The following GPC4 variants were observed in gnomAD, a reference collection of about 807,000 sequenced individuals.
GPC4 encodes glypican 4.
Under a neutral mutation model 35.0 loss-of-function variants are expected in GPC4, and 10 were observed. The observed-to-expected ratio is 0.29, with a 90% CI of 0.18 to 0.48. The LOEUF (loss-of-function observed/expected upper bound fraction) is 0.48. GPC4 is among the 20% of genes least tolerant of loss of function. The probability of loss-of-function intolerance (pLI) is 0.99; values close to 1 mark genes in which losing one functional copy is unlikely to be tolerated. For synonymous variants in GPC4, 167 were observed against 170.2 expected (o/e 0.98, Z 0.15); for missense variants, 322 against 451.3 (o/e 0.71, Z 2.60).
rs753375530 is a variant in GPC4 at position 133,404,866 on chromosome X, A to AAAAAAAAAAAAG, written c.160+9939_160+9940insCTTTTTTTTTTT. On this transcript the variant is annotated intron_variant, in intron 1 of 8. Transcript: ENST00000370828. ...GACCCTGTCTCAAAAAAAAAAAAAAAAAGGTGCAGAGGAACAAAATCATAA... is the reference window on the plus strand; with the variant it reads ...GACCCTGTCTCAAAAAAAAAAAAAAAAAAAAAAAAAAGAAGGTGCAGAGGAACAAAATCATAA... Among the ~76,000 whole-genome samples the AAAAAAAAAAAAG allele has an allele frequency of 5.5e-3, 492 of 89,210 alleles. 34 individuals are homozygous for AAAAAAAAAAAAG. The highest frequency in any genetic ancestry group is 0.022 in the African/African-American group (417 of 19,198). 77.5% of individuals were successfully genotyped at this position (89,210 alleles called of 115,157 possible). A position where few individuals can be genotyped will look rare whatever the true frequency, so the allele number is the denominator to read the frequency against.
chrX:133,328,717 A>G (rs2068404970), intron 2 of GPC4, among the ~76,000 whole-genome samples: 2 of 111,302 alleles, frequency 1.8e-5, no homozygotes, highest in South Asian at 7.7e-4. Flanking sequence ...CATTGCTCAT[A>G]ATCATTATGC....
intron 3 of GPC4, among the ~76,000 whole-genome samples, chrX:133,315,481 T>C (rs1406472789): frequency 9.0e-6 from 1 of 110,894 alleles, no homozygotes; most frequent in Non-Finnish European, 1.9e-5. Flanking sequence ...AACAGTGGAC[T>C]AAGTCAGACT....
chrX:133,399,186 T>C (rs919513389), intron 1 of GPC4, among the ~76,000 whole-genome samples: 2 of 112,074 alleles, frequency 1.8e-5, no homozygotes, highest in South Asian at 7.7e-4. Flanking sequence ...AGTATTTCTG[T>C]GGTCTCTATG....
At chrX:133,336,929 T>C (rs1228573733) in intron 2 of GPC4, among the ~76,000 whole-genome samples, 1 of 110,926 alleles carries the variant, frequency 9.0e-6, no homozygotes, top group Non-Finnish European at 1.9e-5. Context: ...AGTGATCCTC[T>C]CACCTCAACC....
chrX:133,409,104 G>A (rs1007727618), intron 1 of GPC4, among the ~76,000 whole-genome samples: 5 of 106,993 alleles, frequency 4.7e-5, no homozygotes, highest in African/African-American at 1.0e-4. Flanking sequence ...GCAGTGAGCC[G>A]AGATCACGCG....
At chrX:133,324,106 C>G (rs201641180) in intron 3 of GPC4, 39 bp downstream of exon 3, 6 of 1,141,617 alleles carry the variant, frequency 5.3e-6, no homozygotes, top group Non-Finnish European at 5.8e-6. Flanking sequence ...TGAAAGAAAA[C>G]AAAACAAAAA....
At chrX:133,381,663 T>C (rs1458808572) in intron 1 of GPC4, among the ~76,000 whole-genome samples, 1 of 112,717 alleles carries the variant, frequency 8.9e-6, no homozygotes, top group African/African-American at 3.2e-5. Context: ...GTGTATTTCT[T>C]AACCATTTAG....
At chrX:133,357,409 A>G (rs2068546522) in intron 1 of GPC4, among the ~76,000 whole-genome samples, 1 of 104,982 alleles carries the variant, frequency 9.5e-6, no homozygotes, top group Non-Finnish European at 2.0e-5. Flanking sequence ...TTTTTTTTTT[A>G]GAGATGGCGT....
intron 2 of GPC4, among the ~76,000 whole-genome samples, chrX:133,332,200 A>T (rs1325177495): frequency 8.9e-6 from 1 of 111,954 alleles, no homozygotes; most frequent in African/African-American, 3.2e-5. Context: ...TAGCAACTTG[A>T]AAAATATGGA....
chrX:133,401,346 G>C (rs918561391), intron 1 of GPC4, among the ~76,000 whole-genome samples: 2 of 111,599 alleles, frequency 1.8e-5, no homozygotes, highest in African/African-American at 6.5e-5. Flanking sequence ...CAGAGCCAGA[G>C]AGCTAGAGCA....
chrX:133,315,826 G>T (rs2068335813), intron 3 of GPC4, among the ~76,000 whole-genome samples: 1 of 111,567 alleles, frequency 9.0e-6, no homozygotes, highest in Admixed American at 9.5e-5. Flanking sequence ...GTTGAGCCTA[G>T]ATATTAGTAA....
chrX:133,365,643 C>T (rs774804852), intron 1 of GPC4, among the ~76,000 whole-genome samples: 1 of 112,036 alleles, frequency 8.9e-6, no homozygotes, highest in Non-Finnish European at 1.9e-5. Flanking sequence ...GATTTTTAAT[C>T]TGATGCTGGA....
At chrX:133,370,005 G>A (rs1052522794) in intron 1 of GPC4, among the ~76,000 whole-genome samples, 5 of 112,012 alleles carry the variant, frequency 4.5e-5, no homozygotes, top group Admixed American at 2.9e-4. Context: ...AAAAATCAAA[G>A]TTGACAAGGT....
At position 133,311,364 on chromosome X, in the gene GPC4, G is replaced by A; in HGVS notation, c.771C>T (p.Cys257=). 8.3e-7 allele frequency: 1 copy of A among 1,209,807 alleles called. No individual in the cohort carries two copies. Among genetic ancestry groups the A allele is most frequent in the African/African-American group, 1.7e-5 (1 of 57,753 alleles). ...ATGGCTTCACAGTCACGAGACCCCG[G>A]CAGTGGGAGCAGTAGATCATCTTCA... The part of the protein sequence containing the change: ...ALLKMIYCSH[C]RGLVTVKPCY... The change falls in exon 4 of 9, where the codon TGC becomes TGT. Residue 257 remains cysteine, a synonymous_variant. Transcript: ENST00000370828.
chrX:133,388,478 A>G (rs746031594), intron 1 of GPC4, among the ~76,000 whole-genome samples: 19 of 111,938 alleles, frequency 1.7e-4, no homozygotes, highest in African/African-American at 6.2e-4. Context: ...ACAAGATATA[A>G]TGCCTGACGG....
Position 133,304,837 on chromosome X carries a change from T to C in GPC4, c.1180A>G (p.Lys394Glu). ...RLVTDVKEKL[K>E]QAKKFWSSLP... ...GAGGACCAGAATTTCTTGGCCTGTT[T>C]CAGTTTCTCCTTGACATCAGTAACC... is the stretch of plus-strand genomic sequence containing the variant. The change falls in exon 7 of 9, where the codon AAA becomes GAA. Residue 394 changes from lysine (K) to glutamate (E), a missense_variant. This residue lies in a region of GPC4 where 163 missense variants were observed against 277.2 expected (regional missense o/e 0.59). Coordinates refer to ENST00000370828, the MANE Select transcript of GPC4 (RefSeq NM_001448.3). 8.3e-7 allele frequency: 1 copy of C among 1,210,772 alleles called. No homozygotes were observed.
chrX:133,365,033 T>C (rs558808410), intron 1 of GPC4, among the ~76,000 whole-genome samples: 4 of 112,161 alleles, frequency 3.6e-5, no homozygotes, highest in African/African-American at 1.3e-4. Context: ...AGCTTGTTGA[T>C]TTCTTTTCTC....
chrX:133,334,301 G>A (rs2068433144), intron 2 of GPC4, among the ~76,000 whole-genome samples: 1 of 112,038 alleles, frequency 8.9e-6, no homozygotes. Flanking sequence ...AGGGGCCTTA[G>A]GGCTTAAGGG....
At chrX:133,354,616 C>T (rs1266483030) in intron 1 of GPC4, among the ~76,000 whole-genome samples, 1 of 104,477 alleles carries the variant, frequency 9.6e-6, no homozygotes, top group Non-Finnish European at 1.9e-5. Flanking sequence ...GGCCAGACTG[C>T]GGACTGCAGT....
Sources: gnomAD v4.1 joint callset for allele counts (sites outside exome capture counted in the v4.1 genomes callset) on GRCh38, gnomAD v4.1.1 for gene constraint, gnomAD v4.1.1 regional missense constraint, MANE v1.5 for transcripts, NCBI Gene and HGNC (gene_info 2026-07-23, HGNC 2026-07-21) for gene names.